TACR1: variants seen among roughly 807,000 people sequenced by gnomAD.
The protein encoded by TACR1 is substance-P receptor.
TACR1 carries 25 observed loss-of-function variants against 35.8 expected under a neutral mutation model. That is an observed-to-expected ratio of 0.70 (90% confidence interval 0.51 to 0.98). TACR1 has a LOEUF of 0.98. Among genes scored for constraint, TACR1 ranks in the 50% least tolerant of loss-of-function variants. TACR1 has a pLI of 0.00. For synonymous variants in TACR1, 195 were observed against 206.7 expected (o/e 0.94, Z 0.48); for missense variants, 478 against 522.9 (o/e 0.91, Z 0.84).
chr2:75,101,837 A>G (rs1248198306), intron 2 of TACR1, among the ~76,000 whole-genome samples: 1 of 151,996 alleles, frequency 6.6e-6, no homozygotes, highest in Non-Finnish European at 1.5e-5. Context: ...AGTTCCAACT[A>G]CTCAGGAGGC....
intron 1 of TACR1, among the ~76,000 whole-genome samples, chr2:75,172,210 G>C (rs987728581): frequency 1.3e-5 from 2 of 152,144 alleles, no homozygotes; most frequent in Non-Finnish European, 2.9e-5. Flanking sequence ...GCCAAACTGG[G>C]TTTGACAAAC....
chr2:75,111,037 CTA>C, intron 2 of TACR1, among the ~76,000 whole-genome samples: 1 of 151,874 alleles, frequency 6.6e-6, no homozygotes, highest in East Asian at 1.9e-4. Flanking sequence ...CTTTTATGAG[CTA>C]TAGTGTTTTG....
At chr2:75,149,767 C>G (rs1288473572) in intron 1 of TACR1, among the ~76,000 whole-genome samples, 3 of 152,126 alleles carry the variant, frequency 2.0e-5, no homozygotes, top group East Asian at 1.9e-4. Flanking sequence ...CCAGAACTTT[C>G]AATACTATGT....
At position 75,072,015 on chromosome 2, in the gene TACR1, A is replaced by ATTTTTT. The variant is rs1162745736; in HGVS notation, c.585-18261_585-18260insAAAAAA. 2.0e-5 allele frequency among the ~76,000 whole-genome samples: 3 copies of ATTTTTT among 152,270 alleles called. No homozygotes were observed. In the East Asian group the frequency reaches 5.8e-4, roughly 29 times the overall value. ...AATAACTGCAGCAAGCGTAGCATAG[A>ATTTTTT]TGTTTGTTTGTGCTAAGGAGGGACT... On this transcript the variant is annotated intron_variant, in intron 2 of 4. Transcript: ENST00000305249.
intron 2 of TACR1, chr2:75,119,060 G>C (rs1673916747): frequency 6.6e-6 from 1 of 152,216 alleles, no homozygotes; most frequent in African/African-American, 2.4e-5. Flanking sequence ...TTGCTTTCTG[G>C]CAAGCTACAT....
At chr2:75,104,869 A>G (rs902606680) in intron 2 of TACR1, among the ~76,000 whole-genome samples, 1 of 152,128 alleles carries the variant, frequency 6.6e-6, no homozygotes, top group Admixed American at 6.5e-5. Context: ...GGCTATTACT[A>G]AAAAGACAAG....
At chr2:75,195,786 T>C (rs1186346662) in intron 1 of TACR1, among the ~76,000 whole-genome samples, 4 of 152,114 alleles carry the variant, frequency 2.6e-5, no homozygotes, top group Non-Finnish European at 5.9e-5. Flanking sequence ...ACTACGTAAA[T>C]AATAATAGCA....
At chr2:75,198,420 C>T (rs1005419049) in intron 1 of TACR1, 126 bp downstream of exon 1, 9 of 1,081,062 alleles carry the variant, frequency 8.3e-6, no homozygotes, top group Non-Finnish European at 1.2e-5. Flanking sequence ...CTCAGTTGAT[C>T]AGTAAAAAAA....
At chr2:75,090,621 C>T (rs1175869798) in intron 2 of TACR1, among the ~76,000 whole-genome samples, 1 of 152,156 alleles carries the variant, frequency 6.6e-6, no homozygotes, top group African/African-American at 2.4e-5. Flanking sequence ...GCAAGTTTCT[C>T]ACATAATGAG....
chr2:75,139,476 C>T (rs1282500805), intron 1 of TACR1, among the ~76,000 whole-genome samples: 1 of 152,208 alleles, frequency 6.6e-6, no homozygotes, highest in Non-Finnish European at 1.5e-5. Flanking sequence ...TTCCCCACTG[C>T]AGCCATGAAG....
intron 2 of TACR1, among the ~76,000 whole-genome samples, chr2:75,097,225 A>T (rs890736190): frequency 6.6e-6 from 1 of 152,210 alleles, no homozygotes; most frequent in African/African-American, 2.4e-5. Flanking sequence ...GGTCAAATAA[A>T]GATAGCGAAG....
At chr2:75,172,116 C>T (rs1211974819) in intron 1 of TACR1, among the ~76,000 whole-genome samples, 1 of 152,122 alleles carries the variant, frequency 6.6e-6, no homozygotes, top group East Asian at 1.9e-4. Flanking sequence ...AATGCCTTTT[C>T]TAATTCATCA....
intron 2 of TACR1, among the ~76,000 whole-genome samples, chr2:75,108,629 T>C (rs1425804868): frequency 6.6e-6 from 1 of 152,140 alleles, no homozygotes; most frequent in African/African-American, 2.4e-5. Context: ...GTGAAAGTTA[T>C]GGTCTTACAA....
intron 1 of TACR1, among the ~76,000 whole-genome samples, chr2:75,122,729 A>C (rs1673994204): frequency 6.6e-6 from 1 of 152,190 alleles, no homozygotes; most frequent in Non-Finnish European, 1.5e-5. Context: ...CTATCACTCA[A>C]ATGCTGTCTG....
chr2:75,173,259 A>G (rs1383428427), intron 1 of TACR1, among the ~76,000 whole-genome samples: 2 of 152,206 alleles, frequency 1.3e-5, no homozygotes, highest in Non-Finnish European at 2.9e-5. Context: ...TGTTAACCTT[A>G]GTACCCAATG....
At chr2:75,101,071 G>A (rs6757431) in intron 2 of TACR1, among the ~76,000 whole-genome samples, 1 of 151,822 alleles carries the variant, frequency 6.6e-6, no homozygotes, top group Non-Finnish European at 1.5e-5. Flanking sequence ...TGAATAACAT[G>A]TTGGACACGG....
chr2:75,157,901 G>A (rs945812386), intron 1 of TACR1, among the ~76,000 whole-genome samples: 1 of 152,234 alleles, frequency 6.6e-6, no homozygotes, highest in African/African-American at 2.4e-5. Context: ...AGACAGGGAA[G>A]TAAGAGAATC....
chr2:75,094,855 A>ATTTTT (rs1351976784), intron 2 of TACR1, among the ~76,000 whole-genome samples: 12 of 87,922 alleles, frequency 1.4e-4, no homozygotes, highest in African/African-American at 4.7e-4. Context: ...ATATATATAT[A>ATTTTT]TATATTTTTT....
intron 1 of TACR1, among the ~76,000 whole-genome samples, chr2:75,185,395 A>T (rs1558585699): frequency 6.6e-6 from 1 of 152,102 alleles, no homozygotes; most frequent in African/African-American, 2.4e-5. Context: ...ATAAAATAAT[A>T]TAAAATAATC....
Sources: gnomAD v4.1 joint callset for allele counts (sites outside exome capture counted in the v4.1 genomes callset) on GRCh38, gnomAD v4.1.1 for gene constraint, MANE v1.5 for transcripts, NCBI Gene and HGNC (gene_info 2026-07-23, HGNC 2026-07-21) for gene names.